Variants in EYA2 observed in about 807,000 individuals in gnomAD.
EYA2 encodes the protein EYA transcriptional coactivator and phosphatase 2.
Under a neutral mutation model 69.2 loss-of-function variants are expected in EYA2, and 31 were observed. That is an observed-to-expected ratio of 0.45 (90% confidence interval 0.34 to 0.60). The LOEUF (loss-of-function observed/expected upper bound fraction) is 0.60. Among genes scored for constraint, EYA2 ranks in the 20% least tolerant of loss-of-function variants. The pLI is 0.02. For synonymous variants in EYA2, 257 were observed against 279.4 expected (o/e 0.92, Z 0.80); for missense variants, 622 against 701.2 (o/e 0.89, Z 1.28).
At chr20:47,033,894 A>G (rs1366308049) in intron 5 of EYA2, among the ~76,000 whole-genome samples, 1 of 152,256 alleles carries the variant, frequency 6.6e-6, no homozygotes, top group Non-Finnish European at 1.5e-5. Flanking sequence ...ATCATACCAT[A>G]ACCTCTCCTG....
intron 1 of EYA2, among the ~76,000 whole-genome samples, chr20:46,960,575 C>T (rs1251023722): frequency 6.6e-6 from 1 of 152,156 alleles, no homozygotes; most frequent in Non-Finnish European, 1.5e-5. Flanking sequence ...TCGTCCAGCT[C>T]TTAAACCCTC....
intron 1 of EYA2, among the ~76,000 whole-genome samples, chr20:46,965,564 A>G (rs894231274): frequency 1.3e-5 from 2 of 152,254 alleles, no homozygotes; most frequent in Admixed American, 6.5e-5. Flanking sequence ...CTCACGCCTC[A>G]TAGCTCCTGA....
chr20:46,895,336 G>C (rs2146203693), intron 1 of EYA2, among the ~76,000 whole-genome samples: 1 of 152,158 alleles, frequency 6.6e-6, no homozygotes, highest in African/African-American at 2.4e-5. Context: ...CGTTTTGTTC[G>C]ATTATGGTCC....
intron 5 of EYA2, among the ~76,000 whole-genome samples, chr20:47,023,059 A>G (rs1269958458): frequency 1.3e-5 from 2 of 152,056 alleles, no homozygotes; most frequent in African/African-American, 2.4e-5. Context: ...AAAAAGACAC[A>G]TGAATTTTTT....
intron 9 of EYA2, among the ~76,000 whole-genome samples, chr20:47,113,453 C>A (rs1251712068): frequency 6.6e-6 from 1 of 152,168 alleles, no homozygotes; most frequent in African/African-American, 2.4e-5. Context: ...GGACAGCCCA[C>A]CAAGCCACCT....
chr20:47,087,927 T>A (rs1374785645), intron 7 of EYA2, among the ~76,000 whole-genome samples: 3 of 152,232 alleles, frequency 2.0e-5, no homozygotes, highest in Non-Finnish European at 4.4e-5. Context: ...TTAAAAGGCT[T>A]GCATTTAATA....
chr20:47,020,636 G>A (rs1983695107), intron 5 of EYA2, among the ~76,000 whole-genome samples: 1 of 152,124 alleles, frequency 6.6e-6, no homozygotes, highest in African/African-American at 2.4e-5. Flanking sequence ...GAAGTTTCTG[G>A]TGCCACAGAG....
chr20:46,945,813 T>A (rs1978420382), intron 1 of EYA2, among the ~76,000 whole-genome samples: 1 of 152,194 alleles, frequency 6.6e-6, no homozygotes, highest in Non-Finnish European at 1.5e-5. Context: ...GGTAAGCTTT[T>A]CAGACCTTCT....
intron 5 of EYA2, among the ~76,000 whole-genome samples, chr20:47,063,999 A>G (rs1433095226): frequency 6.6e-6 from 1 of 152,230 alleles, no homozygotes; most frequent in Non-Finnish European, 1.5e-5. Context: ...CCCATTGCCC[A>G]GGCTGGAGTG....
chr20:47,113,957 A>G (rs1600718451), intron 9 of EYA2, among the ~76,000 whole-genome samples: 1 of 152,122 alleles, frequency 6.6e-6, no homozygotes, highest in East Asian at 1.9e-4. Flanking sequence ...TCAAAGTAGC[A>G]GTGGCTGGGA....
At chr20:46,942,573 C>T (rs748175611) in intron 1 of EYA2, among the ~76,000 whole-genome samples, 3 of 152,182 alleles carry the variant, frequency 2.0e-5, no homozygotes, top group Non-Finnish European at 2.9e-5. Context: ...GCAGATGTGA[C>T]TTACCCACAT....
At chr20:46,992,180 A>G (rs763498970) in intron 2 of EYA2, among the ~76,000 whole-genome samples, 3 of 152,130 alleles carry the variant, frequency 2.0e-5, no homozygotes, top group African/African-American at 4.8e-5. Context: ...CCTCCCTGTC[A>G]CCATCAGAAC....
At chr20:46,968,836 C>T (rs1291873698) in intron 1 of EYA2, among the ~76,000 whole-genome samples, 1 of 152,206 alleles carries the variant, frequency 6.6e-6, no homozygotes, top group African/African-American at 2.4e-5. Flanking sequence ...GTTTTCCTGC[C>T]AGTCACCTGG....
At chr20:47,139,472 G>T (rs11907766) in intron 9 of EYA2, among the ~76,000 whole-genome samples, 2,473 of 152,098 alleles carry the variant, frequency 0.016, 71 homozygotes, top group African/African-American at 0.057. Flanking sequence ...CACTCTTGTT[G>T]CCCAGGCTGG....
chr20:47,049,958 C>T (rs1267958980), intron 5 of EYA2, among the ~76,000 whole-genome samples: 5 of 149,938 alleles, frequency 3.3e-5, no homozygotes, highest in Admixed American at 1.3e-4. Flanking sequence ...TCAATATGGG[C>T]GTGTCTCCTG....
intron 15 of EYA2, among the ~76,000 whole-genome samples, chr20:47,184,413 CTTTTTT>C (rs36118012): frequency 1.7e-5 from 2 of 117,898 alleles, no homozygotes; most frequent in Non-Finnish European, 1.7e-5. Flanking sequence ...CATTGCATCC[CTTTTTT>C]TTTTTTTTTT....
chr20:47,148,937 G>A (rs1044053799), intron 10 of EYA2, among the ~76,000 whole-genome samples: 1 of 152,132 alleles, frequency 6.6e-6, no homozygotes, highest in African/African-American at 2.4e-5. Context: ...GACCCCTTAG[G>A]TTTTGACTTC....
intron 2 of EYA2, among the ~76,000 whole-genome samples, chr20:46,995,797 C>T (rs895447746): frequency 6.6e-6 from 1 of 152,208 alleles, no homozygotes; most frequent in Admixed American, 6.5e-5. Context: ...AAATTGTGCT[C>T]ATGGATTTAA....
At chr20:46,907,710 G>A (rs376634674) in intron 1 of EYA2, among the ~76,000 whole-genome samples, 11 of 152,282 alleles carry the variant, frequency 7.2e-5, no homozygotes, top group Admixed American at 3.9e-4. Flanking sequence ...ATGGTGGCCC[G>A]CATCTGTAGT....
Sources: gnomAD v4.1 joint callset for allele counts (sites outside exome capture counted in the v4.1 genomes callset) on GRCh38, gnomAD v4.1.1 for gene constraint, MANE v1.5 for transcripts, NCBI Gene and HGNC (gene_info 2026-07-23, HGNC 2026-07-21) for gene names.